Variants in PDZRN4 observed in about 807,000 individuals in gnomAD.
PDZRN4 encodes the protein PDZ domain containing ring finger 4, also known as PDZ domain-containing RING finger protein 4.
A neutral mutation model predicts 99.0 loss-of-function variants in PDZRN4; 70 were observed. The ratio of observed to expected loss-of-function variants is 0.71; its 90% CI spans 0.58 to 0.86. The LOEUF is 0.86. Ranked by LOEUF, PDZRN4 falls within the 40% of genes least tolerant of loss-of-function variation. The pLI, the probability that PDZRN4 is intolerant of heterozygous loss-of-function variation, is 0.00. For missense variants in PDZRN4, 1,474 were observed against 1,331.2 expected, an observed-to-expected ratio of 1.11 and a Z score of -1.67; for synonymous variants, 551 against 501.6, an observed-to-expected ratio of 1.10 and a Z score of -1.32.
intron 3 of PDZRN4, among the ~76,000 whole-genome samples, chr12:41,350,498 T>C (rs1951882302): frequency 6.6e-6 from 1 of 152,150 alleles, no homozygotes; most frequent in Non-Finnish European, 1.5e-5. Flanking sequence ...TTATTATTTA[T>C]GAAATCTCTC....
At chr12:41,271,182 AT>A (rs1591992215) in intron 3 of PDZRN4, among the ~76,000 whole-genome samples, 3 of 151,760 alleles carry the variant, frequency 2.0e-5, no homozygotes, top group South Asian at 2.1e-4. Context: ...GTATCTAGAG[AT>A]TTTAAAAAAA....
chr12:41,215,671 T>C (rs75370680), intron 3 of PDZRN4, among the ~76,000 whole-genome samples: 1,765 of 152,090 alleles, frequency 0.012, 57 homozygotes, highest in East Asian at 0.1. Flanking sequence ...GTAATTGTTA[T>C]ATCCACTTGA....
chr12:41,211,726 A>G (rs1476937717), intron 3 of PDZRN4, among the ~76,000 whole-genome samples: 2 of 152,020 alleles, frequency 1.3e-5, no homozygotes, highest in African/African-American at 4.8e-5. Context: ...ATGCAATTTA[A>G]TTTGATGAGC....
chr12:41,300,308 G>A (rs1419037844), intron 3 of PDZRN4, among the ~76,000 whole-genome samples: 2 of 151,792 alleles, frequency 1.3e-5, no homozygotes, highest in Non-Finnish European at 2.9e-5. Context: ...GTCAGTAAGT[G>A]ATATGCCAAA....
rs113535569 is a variant in PDZRN4 at position 41,546,153 on chromosome 12, C to T, written c.1204-6503C>T. On this transcript the variant is annotated intron_variant, in intron 5 of 9. Transcript: ENST00000402685. ...GTACAGGGAAAGCAGTCACTATGGT[C>T]GTCATGGTGTGCATCCCCTCTGGGA... is the stretch of plus-strand genomic sequence containing the variant. Among the ~76,000 whole-genome samples the T allele has an allele frequency of 7.8e-3, 1,194 of 152,248 alleles. 13 individuals carry two copies. Among genetic ancestry groups the T allele is most frequent in the African/African-American group, 0.027 (1,118 of 41,532 alleles).
At chr12:41,224,971 T>C (rs1591975189) in intron 3 of PDZRN4, among the ~76,000 whole-genome samples, 1 of 152,040 alleles carries the variant, frequency 6.6e-6, no homozygotes, top group East Asian at 1.9e-4. Flanking sequence ...TAAGCATAAA[T>C]CATAATACCT....
At chr12:41,301,628 A>C (rs1951536091) in intron 3 of PDZRN4, among the ~76,000 whole-genome samples, 1 of 152,038 alleles carries the variant, frequency 6.6e-6, no homozygotes, top group Non-Finnish European at 1.5e-5. Flanking sequence ...ATAACCCCCC[A>C]AAAAAGATAA....
chr12:41,241,285 T>C (rs1380213258), intron 3 of PDZRN4, among the ~76,000 whole-genome samples: 1 of 152,216 alleles, frequency 6.6e-6, no homozygotes, highest in Non-Finnish European at 1.5e-5. Flanking sequence ...ACTCAATCTG[T>C]GCAGATAAAG....
chr12:41,408,972 A>G (rs1952371046), intron 3 of PDZRN4, among the ~76,000 whole-genome samples: 1 of 146,472 alleles, frequency 6.8e-6, no homozygotes, highest in Non-Finnish European at 1.5e-5. Flanking sequence ...AAACATCTAC[A>G]CATTTTCCAA....
chr12:41,457,918 G>A (rs1416423434), intron 3 of PDZRN4, among the ~76,000 whole-genome samples: 2 of 152,072 alleles, frequency 1.3e-5, no homozygotes, highest in South Asian at 4.1e-4. Context: ...GACCCTGTAG[G>A]GGCTTTATGT....
rs1229153178 is a variant in PDZRN4 at position 41,462,892 on chromosome 12, AG to A, written c.844-43562del. Among the ~76,000 whole-genome samples, 6 of 152,312 alleles carry A rather than the reference AG, an allele frequency of 3.9e-5. No individual in the cohort carries two copies. In the East Asian group the frequency reaches 1.2e-3, roughly 29 times the overall value. ...TGTAAAAGGATTTGAGATGTGTAAA[AG>A]GAATTGTGGTCTGTCCACTGTCAAA... is the stretch of plus-strand genomic sequence containing the variant. On this transcript the variant is annotated intron_variant, in intron 3 of 9. Coordinates refer to ENST00000402685, the MANE Select transcript of PDZRN4 (RefSeq NM_001164595.2).
At chr12:41,279,448 T>G (rs1218022295) in intron 3 of PDZRN4, among the ~76,000 whole-genome samples, 1 of 152,206 alleles carries the variant, frequency 6.6e-6, no homozygotes, top group Non-Finnish European at 1.5e-5. Context: ...ATCTTCATTT[T>G]ATAAAAAATG....
chr12:41,449,769 A>G (rs546296358), intron 3 of PDZRN4, among the ~76,000 whole-genome samples: 1 of 152,328 alleles, frequency 6.6e-6, no homozygotes, highest in South Asian at 2.1e-4. Flanking sequence ...AGTAATTGTG[A>G]TGCATCTCCT....
chr12:41,566,379 C>A (rs1265459482), intron 8 of PDZRN4, among the ~76,000 whole-genome samples: 3 of 152,116 alleles, frequency 2.0e-5, no homozygotes, highest in Non-Finnish European at 4.4e-5. Flanking sequence ...GCATTTGTAG[C>A]TTTATGATAC....
intron 3 of PDZRN4, among the ~76,000 whole-genome samples, chr12:41,222,029 C>T (rs954357479): frequency 2.0e-5 from 3 of 152,186 alleles, no homozygotes; most frequent in South Asian, 2.1e-4. Context: ...ACAGAAGCAG[C>T]ATTGCAATGC....
At chr12:41,320,506 T>A (rs968994924) in intron 3 of PDZRN4, among the ~76,000 whole-genome samples, 2 of 152,184 alleles carry the variant, frequency 1.3e-5, no homozygotes, top group African/African-American at 4.8e-5. Flanking sequence ...AAAACCCTAT[T>A]CACATTGTCT....
At position 41,197,919 on chromosome 12, in the gene PDZRN4, G is replaced by GTTTTTTTTT. The variant is rs764851464; in HGVS notation, c.843+3731_843+3732insTTTTTTTTT. 1.5e-4 allele frequency among the ~76,000 whole-genome samples: 17 copies of GTTTTTTTTT among 113,458 alleles called. No homozygotes were observed. The East Asian group carries it at 3.2e-3, about 22-fold the overall frequency. The allele number at this position is 113,458 out of a possible 152,430, so 74.4% of individuals were successfully genotyped here. A position where few individuals can be genotyped will look rare whatever the true frequency, so the allele number is the denominator to read the frequency against. On this transcript the variant is annotated intron_variant, in intron 3 of 9. Transcript: ENST00000402685. Reference sequence around the variant, plus strand: ...CTTCTTCTTTTCCTTGTTTTTTCTGGGTTTTTTTTTTTGGAGACAGGATCT... The same window carrying GTTTTTTTTT: ...CTTCTTCTTTTCCTTGTTTTTTCTGGTTTTTTTTTGTTTTTTTTTTTGGAGACAGGATCT...
intron 3 of PDZRN4, among the ~76,000 whole-genome samples, chr12:41,494,037 A>C (rs1937944056): frequency 8.9e-6 from 1 of 112,110 alleles, no homozygotes; most frequent in African/African-American, 4.9e-5. Context: ...TATTCCTGTC[A>C]CAGAAACATT....
intron 3 of PDZRN4, among the ~76,000 whole-genome samples, chr12:41,363,577 G>A (rs935217590): frequency 1.3e-5 from 2 of 152,086 alleles, no homozygotes; most frequent in African/African-American, 4.8e-5. Flanking sequence ...TGTTCAGGTT[G>A]CATTTGCTCA....
Sources: allele counts gnomAD v4.1 joint callset (sites outside exome capture counted in the v4.1 genomes callset), GRCh38; gene constraint gnomAD v4.1.1; transcripts MANE v1.5; gene names NCBI Gene and HGNC (gene_info 2026-07-23, HGNC 2026-07-21).